The following PRKDC variants were observed in gnomAD, a reference collection of about 807,000 sequenced individuals.
PRKDC encodes the protein DNA-dependent protein kinase catalytic subunit.
PRKDC carries 82 observed loss-of-function variants against 486.9 expected under a neutral mutation model. The ratio of observed to expected loss-of-function variants is 0.17; its 90% confidence interval spans 0.14 to 0.20. The LOEUF is 0.20. Among genes scored for constraint, PRKDC ranks in the 10% least tolerant of loss-of-function variants. PRKDC has a pLI of 1.00. For synonymous variants in PRKDC, 1,895 were observed against 1,837.0 expected, an observed-to-expected ratio of 1.03 and a Z score of -0.81; for missense variants, 4,504 against 5,038.2, an observed-to-expected ratio of 0.89 and a Z score of 3.21.
intron 59 of PRKDC, 110 bp downstream of exon 59, chr8:47,834,086 G>C (rs2087949934): frequency 7.3e-7 from 1 of 1,377,652 alleles, no homozygotes; most frequent in Non-Finnish European, 1.0e-6. Flanking sequence ...TAAAGGGCTT[G>C]ATTACGAATG....
intron 7 of PRKDC, among the ~76,000 whole-genome samples, chr8:47,950,656 A>G (rs912885924): frequency 6.6e-6 from 1 of 151,012 alleles, no homozygotes; most frequent in African/African-American, 2.4e-5. Context: ...TTATTTCAGG[A>G]TAAAAAGTTA....
intron 21 of PRKDC, among the ~76,000 whole-genome samples, chr8:47,924,580 A>AATG (rs1253208075): frequency 4.6e-5 from 7 of 151,458 alleles, no homozygotes; most frequent in Non-Finnish European, 8.8e-5. Flanking sequence ...TAATAATAAT[A>AATG]AAAAAAAGGA....
Position 47,877,812 on chromosome 8 carries a change from A to C in PRKDC, c.5275T>G (p.Leu1759Val). Residue 1759 changes from leucine to valine, a missense_variant, in exon 40 of 86, where the codon TTG becomes GTG. Physicochemically the swap from Leu to Val is conservative, Grantham distance 32. Around this residue, in one of 6 missense-constraint regions of PRKDC, gnomAD observed 1,969 missense variants for 2,068.9 expected, o/e 0.95. Transcript: ENST00000314191. The stretch of plus-strand genomic sequence containing the variant: ...CAAAGAACTTCTGTCATCAATTCCA[A>C]CAACATAGGGCTTTGAGATAATTCC... ...ALELSQSPML[L>V]ELMTEVLCRE... is the part of the protein sequence containing the mutation. 6.3e-7 allele frequency: 1 copy of C among 1,595,470 alleles called. No homozygotes were observed. The highest frequency in any genetic ancestry group is 8.5e-7 in the Non-Finnish European group (1 of 1,169,838).
At chr8:47,854,330 G>C in intron 50 of PRKDC, 116 bp from the exon 51 acceptor site, 1 of 1,204,618 alleles carries the variant, frequency 8.3e-7, no homozygotes, top group Non-Finnish European at 1.2e-6. Flanking sequence ...GCCCAGGCTG[G>C]AGTGCAGTGG....
rs951132184 is a variant in PRKDC at position 47,856,835 on chromosome 8, T to C, written c.6609+321A>G. Among the ~76,000 whole-genome samples the C allele has an allele frequency of 4.6e-5, 7 of 152,290 alleles. No individual in the cohort carries two copies. The East Asian group carries it at 7.7e-4, about 17-fold the overall frequency. ...AGTCCTCAGAGCCTCCCATTCAGGG[T>C]TGGTTGAAATTCAGTTTACACATAG... On this transcript the variant is annotated intron_variant, in intron 49 of 85. Transcript: ENST00000314191.
At chr8:47,784,550 T>C (rs1407382465) in intron 77 of PRKDC, among the ~76,000 whole-genome samples, 1 of 152,210 alleles carries the variant, frequency 6.6e-6, no homozygotes, top group African/African-American at 2.4e-5. Context: ...AAACTTTTTT[T>C]CCTCTGGCAA....
Position 47,902,630 on chromosome 8 carries a change from G to A in PRKDC, c.3208C>T (p.Pro1070Ser), listed in dbSNP as rs1193694024. ...GCTCCCAGCCTCTTGAAAGCATTGG[G>A]GTGAAGCGCAAGGCTATAAAGTCGC... The part of the protein sequence containing the change: ...FKRLYSLALH[P>S]NAFKRLGASL... Residue 1070 changes from proline (P) to serine (S), a missense_variant, in exon 27 of 86, where the codon CCC becomes TCC. Pro to Ser is a moderately conservative substitution (Grantham distance 74). Around this residue, in one of 6 missense-constraint regions of PRKDC, gnomAD observed 1,969 missense variants for 2,068.9 expected, o/e 0.95. Coordinates refer to ENST00000314191, the MANE Select transcript of PRKDC (RefSeq NM_006904.7). The A allele has an allele frequency of 6.2e-7, 1 of 1,612,464 alleles. No homozygotes were observed. The highest frequency in any genetic ancestry group is 8.5e-7 in the Non-Finnish European group (1 of 1,179,204).
chr8:47,788,947 T>C lies in PRKDC; in HGVS notation c.10861A>G (p.Lys3621Glu). 1 of 1,612,098 alleles carries C rather than the reference T, an allele frequency of 6.2e-7. No homozygotes were observed. ...ERMYAALGDP[K>E]APGLGAFRRK... ...CTAAAGGCCCCCAGGCCTGGAGCCTTTGGGTCACCCAAGGCTGCATACATT... is the reference window on the plus strand; with the variant it reads ...CTAAAGGCCCCCAGGCCTGGAGCCTCTGGGTCACCCAAGGCTGCATACATT... Residue 3621 changes from lysine to glutamate, a missense_variant, in exon 76 of 86, where the codon AAG (lysine) becomes GAG (glutamate). Around this residue, in one of 6 missense-constraint regions of PRKDC, gnomAD observed 706 missense variants for 945.0 expected, o/e 0.75. Transcript: ENST00000314191.
chr8:47,953,722 A>G lies in PRKDC; in HGVS notation c.622-3T>C, dbSNP rs747038737. 8 of 1,608,284 alleles carry G rather than the reference A, an allele frequency of 5.0e-6. No individual in the cohort carries two copies. In the South Asian group the frequency reaches 7.8e-5, roughly 16 times the overall value. Reference sequence around the variant, plus strand: ...GGCTCTCTTACTGCTGATGTCATCTAAAAGAAAAGATTTAAGAAGATGTCA... The same window carrying G: ...GGCTCTCTTACTGCTGATGTCATCTGAAAGAAAAGATTTAAGAAGATGTCA... On this transcript the variant is annotated splice_polypyrimidine_tract_variant and splice_region_variant and intron_variant, in intron 6 of 85. Transcript: ENST00000314191.
chr8:47,881,985 T>C lies in PRKDC; in HGVS notation c.4889A>G (p.Asp1630Gly). The change falls in exon 37 of 86, where the codon GAT (aspartate) becomes GGT (glycine). Residue 1630 changes from aspartate to glycine, a missense_variant. By Grantham distance (94) the Asp-to-Gly change is moderately conservative. Coordinates refer to ENST00000314191, the MANE Select transcript of PRKDC (RefSeq NM_006904.7). ...TTILQHWKKC[D>G]SWWAKDSPLE... Reference sequence around the variant, plus strand: ...AGGGGAATCTTTGGCCCACCATGAATCACACTTCTTCCAGTGTTGCAGAAT... The same window carrying C: ...AGGGGAATCTTTGGCCCACCATGAACCACACTTCTTCCAGTGTTGCAGAAT... 1.2e-6 allele frequency: 2 copies of C among 1,613,998 alleles called. No homozygotes were observed. The highest frequency in any genetic ancestry group is 2.2e-5 in the East Asian group (1 of 44,874).
intron 29 of PRKDC, 63 bp from the exon 30 acceptor site, chr8:47,897,357 C>T: frequency 1.4e-6 from 2 of 1,429,466 alleles, no homozygotes; most frequent in Non-Finnish European, 1.9e-6. Flanking sequence ...GCTACCAAGG[C>T]TCTAGAAATC....
chr8:47,792,867 G>A (rs2086905699), intron 74 of PRKDC, among the ~76,000 whole-genome samples: 2 of 152,206 alleles, frequency 1.3e-5, no homozygotes, highest in African/African-American at 4.8e-5. Flanking sequence ...GTTACATTAT[G>A]AAAGAAAAGG....
Position 47,933,039 on chromosome 8 carries a change from T to C in PRKDC, c.1757A>G (p.Gln586Arg). 1 of 1,596,462 alleles carries C rather than the reference T, an allele frequency of 6.3e-7. No homozygotes were observed. Among genetic ancestry groups the C allele is most frequent in the Admixed American group, 1.8e-5 (1 of 56,404 alleles). ...VEKLDLTLEIQTVGEQENGDE... is the reference protein window; with the variant it reads ...VEKLDLTLEIRTVGEQENGDE... ...TCTAACCTCTTGTTCCCCAACAGTC[T>C]GTATTTCAAGTGTAAGATCCAATTT... The change falls in exon 16 of 86, where the codon CAG becomes CGG. Residue 586 changes from glutamine (Q) to arginine (R), a missense_variant. By Grantham distance (43) the Gln-to-Arg change is conservative (BLOSUM62 1). Around this residue, in one of 6 missense-constraint regions of PRKDC, gnomAD observed 1,969 missense variants for 2,068.9 expected, o/e 0.95. Transcript: ENST00000314191.
At chr8:47,783,650 G>T in intron 78 of PRKDC, 92 bp downstream of exon 78, 2 of 1,208,714 alleles carry the variant, frequency 1.7e-6, no homozygotes, top group Non-Finnish European at 2.4e-6. Context: ...ATCAACATGG[G>T]CCGTTGTCTC....
In PRKDC at chr8:47,913,903, T is replaced by C. The variant is rs2089947062; in HGVS notation, c.2779A>G (p.Lys927Glu). ...LALTASDRQT[K>E]VAACELLHSM... is the part of the protein sequence containing the mutation. Reference sequence around the variant, plus strand: ...GGTGAAATGAAAAATAGAAGTACTTTAGTTTGTCTGTCACTGGCTGTGAGC... The same window carrying C: ...GGTGAAATGAAAAATAGAAGTACTTCAGTTTGTCTGTCACTGGCTGTGAGC... The change falls in exon 24 of 86, where the codon AAA (lysine) becomes GAA (glutamate). Residue 927 changes from lysine to glutamate, a missense_variant and splice_region_variant. By Grantham distance (56) the Lys-to-Glu change is moderately conservative. Transcript: ENST00000314191. 1.3e-6 allele frequency: 2 copies of C among 1,596,620 alleles called. No homozygotes were observed. The highest frequency in any genetic ancestry group is 1.7e-6 in the Non-Finnish European group (2 of 1,173,736).
At chr8:47,850,048 C>G (rs2088366411) in intron 52 of PRKDC, among the ~76,000 whole-genome samples, 1 of 152,212 alleles carries the variant, frequency 6.6e-6, no homozygotes, top group Non-Finnish European at 1.5e-5. Flanking sequence ...TGTGTACCAT[C>G]TGTCTCCCCT....
At chr8:47,882,170 T>C (rs1441000077) in intron 36 of PRKDC, 73 bp from the exon 37 acceptor site, 5 of 1,369,920 alleles carry the variant, frequency 3.6e-6, no homozygotes, top group Middle Eastern at 3.7e-4. Flanking sequence ...TTTACCTTTA[T>C]TTCAAAGCTA....
chr8:47,929,834 TC>T lies in PRKDC; in HGVS notation c.2052+18del. ...ACCTAAAAAAACGCAAGATTCAACA[TC>T]CTGCAAGAAAGACTCACCTCGAAAT... is the stretch of plus-strand genomic sequence containing the variant. On this transcript the variant is annotated intron_variant, in intron 18 of 85. Transcript: ENST00000314191. 2 of 1,585,028 alleles carry T rather than the reference TC, an allele frequency of 1.3e-6. No homozygotes were observed. Among genetic ancestry groups the T allele is most frequent in the Non-Finnish European group, 1.7e-6 (2 of 1,171,654 alleles).
At chr8:47,890,512 T>A in intron 31 of PRKDC, 32 bp from the exon 32 acceptor site, 2 of 1,413,576 alleles carry the variant, frequency 1.4e-6, no homozygotes, top group Non-Finnish European at 1.9e-6. Flanking sequence ...TATTAATATA[T>A]GCTTCCTTTC....
Sources: gnomAD v4.1 joint callset for allele counts (sites outside exome capture counted in the v4.1 genomes callset) on GRCh38, gnomAD v4.1.1 for gene constraint, gnomAD v4.1.1 regional missense constraint, MANE v1.5 for transcripts, NCBI Gene and HGNC (gene_info 2026-07-23, HGNC 2026-07-21) for gene names.